Variants in CNTNAP2 observed in about 807,000 individuals in gnomAD.
CNTNAP2 encodes contactin associated protein 2.
CNTNAP2 carries 98 observed loss-of-function variants against 155.2 expected under a neutral mutation model. The ratio of observed to expected loss-of-function variants is 0.63; its 90% CI spans 0.54 to 0.75. CNTNAP2 has a LOEUF of 0.75. Ranked by LOEUF, CNTNAP2 falls within the 30% of genes least tolerant of loss-of-function variation. CNTNAP2 has a pLI of 0.00. For missense variants in CNTNAP2, 1,727 were observed against 1,688.1 expected, an observed-to-expected ratio of 1.02 and a Z score of -0.40; for synonymous variants, 651 against 631.2, an observed-to-expected ratio of 1.03 and a Z score of -0.47.
At chr7:147,137,121 C>T (rs924450864) in intron 8 of CNTNAP2, among the ~76,000 whole-genome samples, 1 of 151,402 alleles carries the variant, frequency 6.6e-6, no homozygotes, top group African/African-American at 2.4e-5. Context: ...TTTATCACAA[C>T]ATATATACAA....
At chr7:148,365,003 A>T (rs890026875) in intron 21 of CNTNAP2, among the ~76,000 whole-genome samples, 1 of 152,232 alleles carries the variant, frequency 6.6e-6, no homozygotes. Flanking sequence ...TCTGAACATC[A>T]GAAGGGACTG....
intron 8 of CNTNAP2, among the ~76,000 whole-genome samples, chr7:147,231,878 C>T (rs1397020858): frequency 6.6e-6 from 1 of 152,058 alleles, no homozygotes; most frequent in Non-Finnish European, 1.5e-5. Flanking sequence ...TCATAGATTG[C>T]CTTTTTATTT....
At chr7:148,198,723 A>G (rs1795319698) in intron 18 of CNTNAP2, among the ~76,000 whole-genome samples, 1 of 152,212 alleles carries the variant, frequency 6.6e-6, no homozygotes, top group African/African-American at 2.4e-5. Flanking sequence ...GCTTCATAGG[A>G]TATTTGTATT....
At position 148,080,902 on chromosome 7, in the gene CNTNAP2, T is replaced by C. The variant is rs376115496; in HGVS notation, c.2384-37216T>C. On this transcript the variant is annotated intron_variant, in intron 15 of 23. Coordinates refer to ENST00000361727, the MANE Select transcript of CNTNAP2 (RefSeq NM_014141.6). ...TGTCCTCATCATACAGCTATTTTCA[T>C]TGTATTCTTTCACAAAAATATGTAT... is the stretch of plus-strand genomic sequence containing the variant. 5.3e-5 allele frequency among the ~76,000 whole-genome samples: 8 copies of C among 152,300 alleles called. No individual in the cohort carries two copies. In the East Asian group the frequency reaches 1.2e-3, roughly 22 times the overall value.
At chr7:147,370,907 A>G (rs889358204) in intron 9 of CNTNAP2, among the ~76,000 whole-genome samples, 15 of 152,164 alleles carry the variant, frequency 9.9e-5, no homozygotes, top group Admixed American at 2.0e-4. Context: ...GCTTAGTATT[A>G]CCAATTGTTA....
chr7:146,796,771 G>C (rs1485299440), intron 2 of CNTNAP2, among the ~76,000 whole-genome samples: 1 of 151,914 alleles, frequency 6.6e-6, no homozygotes, highest in Non-Finnish European at 1.5e-5. Context: ...TATTCACTTT[G>C]TGGGGATTAC....
intron 1 of CNTNAP2, among the ~76,000 whole-genome samples, chr7:146,123,154 T>G (rs1229486165): frequency 6.6e-6 from 1 of 152,152 alleles, no homozygotes; most frequent in Non-Finnish European, 1.5e-5. Flanking sequence ...AGATCACATA[T>G]TTTGGGTATA....
At chr7:147,156,776 T>C (rs1454007540) in intron 8 of CNTNAP2, among the ~76,000 whole-genome samples, 1 of 152,170 alleles carries the variant, frequency 6.6e-6, no homozygotes, top group Non-Finnish European at 1.5e-5. Context: ...GGACTGACCA[T>C]GGGTATGTCC....
chr7:146,675,562 A>G (rs1017347767), intron 1 of CNTNAP2, among the ~76,000 whole-genome samples: 3 of 152,182 alleles, frequency 2.0e-5, no homozygotes, highest in African/African-American at 7.2e-5. Context: ...CAAAATAAGT[A>G]TTCAGTATGT....
At chr7:147,665,456 T>A (rs1387093969) in intron 13 of CNTNAP2, among the ~76,000 whole-genome samples, 2 of 152,238 alleles carry the variant, frequency 1.3e-5, no homozygotes, top group African/African-American at 4.8e-5. Flanking sequence ...TATATTCTTT[T>A]CCTTCCTCTT....
chr7:146,329,743 A>G (rs1584871793), intron 1 of CNTNAP2, among the ~76,000 whole-genome samples: 1 of 152,126 alleles, frequency 6.6e-6, no homozygotes, highest in Admixed American at 6.6e-5. Flanking sequence ...TATTACTGCA[A>G]CACTTTCTAG....
At chr7:147,024,848 G>A (rs1344166610) in intron 3 of CNTNAP2, among the ~76,000 whole-genome samples, 2 of 152,126 alleles carry the variant, frequency 1.3e-5, no homozygotes, top group African/African-American at 2.4e-5. Context: ...CAATCATGGC[G>A]GAAGGTGAAG....
chr7:146,250,916 A>G (rs776394047), intron 1 of CNTNAP2, among the ~76,000 whole-genome samples: 2 of 152,230 alleles, frequency 1.3e-5, no homozygotes, highest in Non-Finnish European at 2.9e-5. Flanking sequence ...TTTCAATAAC[A>G]TAACAAGACT....
intron 18 of CNTNAP2, among the ~76,000 whole-genome samples, chr7:148,176,748 G>C (rs1477134071): frequency 1.3e-5 from 2 of 152,138 alleles, no homozygotes. Flanking sequence ...TCATCAATGA[G>C]GAGCAGTTTA....
intron 8 of CNTNAP2, among the ~76,000 whole-genome samples, chr7:147,271,116 T>C (rs1804740163): frequency 1.3e-5 from 2 of 152,228 alleles, no homozygotes; most frequent in African/African-American, 4.8e-5. Flanking sequence ...AACAGAAATG[T>C]AAGTAGTTTC....
intron 1 of CNTNAP2, among the ~76,000 whole-genome samples, chr7:146,741,915 C>G (rs1383137750): frequency 6.6e-6 from 1 of 151,952 alleles, no homozygotes; most frequent in African/African-American, 2.4e-5. Flanking sequence ...GGAAAAAACC[C>G]TAACAAGAGG....
At chr7:146,163,575 ATC>A (rs1309177049) in intron 1 of CNTNAP2, among the ~76,000 whole-genome samples, 38 of 138,502 alleles carry the variant, frequency 2.7e-4, no homozygotes, top group Middle Eastern at 3.9e-3. Flanking sequence ...ATCTATATCT[ATC>A]TATCTATCTA....
At chr7:148,018,011 T>C (rs900582748) in intron 15 of CNTNAP2, among the ~76,000 whole-genome samples, 4 of 152,214 alleles carry the variant, frequency 2.6e-5, no homozygotes, top group East Asian at 3.8e-4. Context: ...CTGTTAAAAC[T>C]CGCCACAAAG....
intron 2 of CNTNAP2, among the ~76,000 whole-genome samples, chr7:146,802,494 TAGG>T (rs1446151124): frequency 6.6e-5 from 10 of 152,154 alleles, no homozygotes; most frequent in African/African-American, 2.2e-4. Flanking sequence ...AGGGACCTGG[TAGG>T]AGATGATCAT....
Sources: gnomAD v4.1 joint callset for allele counts (sites outside exome capture counted in the v4.1 genomes callset) on GRCh38, gnomAD v4.1.1 for gene constraint, MANE v1.5 for transcripts, NCBI Gene and HGNC (gene_info 2026-07-23, HGNC 2026-07-21) for gene names.